The following DLG2 variants were observed in gnomAD, a reference collection of about 807,000 sequenced individuals.
The protein encoded by DLG2 is discs large MAGUK scaffold protein 2.
A neutral mutation model predicts 132.5 loss-of-function variants in DLG2; 45 were observed. The observed-to-expected ratio is 0.34, with a 90% CI of 0.27 to 0.44. The LOEUF (loss-of-function observed/expected upper bound fraction) is 0.44. Ranked by LOEUF, DLG2 falls within the 20% of genes least tolerant of loss-of-function variation. The probability of loss-of-function intolerance (pLI) is 1.00; values close to 1 mark genes in which losing one functional copy is unlikely to be tolerated. For missense variants in DLG2, 1,045 were observed against 1,196.9 expected (o/e 0.87, Z 1.87); for synonymous variants, 424 against 419.6 (o/e 1.01, Z -0.13).
chr11:83,971,490 T>C (rs1376640009), intron 12 of DLG2, among the ~76,000 whole-genome samples: 2 of 151,996 alleles, frequency 1.3e-5, no homozygotes, highest in African/African-American at 2.4e-5. Context: ...AATGTAATAA[T>C]ACAAAGGTGG....
intron 13 of DLG2, among the ~76,000 whole-genome samples, chr11:83,965,093 A>T (rs1353721065): frequency 6.6e-6 from 1 of 152,046 alleles, no homozygotes; most frequent in African/African-American, 2.4e-5. Context: ...TGTCCTCAAC[A>T]TTAAGCCTTT....
At chr11:83,941,042 T>G (rs1328686914) in intron 14 of DLG2, among the ~76,000 whole-genome samples, 2 of 152,254 alleles carry the variant, frequency 1.3e-5, no homozygotes, top group African/African-American at 4.8e-5. Context: ...CAAAACCATG[T>G]TTCTGGCCAT....
chr11:84,725,445 C>A (rs1243865915), intron 6 of DLG2, among the ~76,000 whole-genome samples: 6 of 152,036 alleles, frequency 3.9e-5, no homozygotes, highest in Non-Finnish European at 7.4e-5. Flanking sequence ...TTCATTTAAT[C>A]TTTAGTAGAG....
chr11:85,179,738 C>T (rs1295271902), intron 4 of DLG2, among the ~76,000 whole-genome samples: 2 of 151,646 alleles, frequency 1.3e-5, no homozygotes, highest in African/African-American at 4.8e-5. Context: ...GACATTAGGA[C>T]CCACAATAAT....
At chr11:84,152,926 A>T (rs761635739) in intron 9 of DLG2, among the ~76,000 whole-genome samples, 4 of 152,188 alleles carry the variant, frequency 2.6e-5, no homozygotes, top group Non-Finnish European at 5.9e-5. Flanking sequence ...TTGATTATAT[A>T]GTTGCCCTAT....
At chr11:85,612,425 C>T (rs2081071591) in intron 2 of DLG2, among the ~76,000 whole-genome samples, 1 of 152,218 alleles carries the variant, frequency 6.6e-6, no homozygotes, top group Non-Finnish European at 1.5e-5. Context: ...AGTGAGGAAA[C>T]TCTTGTAGAA....
At chr11:84,466,379 A>G (rs2099094400) in intron 7 of DLG2, among the ~76,000 whole-genome samples, 1 of 151,340 alleles carries the variant, frequency 6.6e-6, no homozygotes, top group Non-Finnish European at 1.5e-5. Flanking sequence ...ATGTATTTGC[A>G]GCTTATATCA....
intron 7 of DLG2, among the ~76,000 whole-genome samples, chr11:84,472,356 T>C (rs2099110665): frequency 6.6e-6 from 1 of 152,066 alleles, no homozygotes; most frequent in South Asian, 2.1e-4. Context: ...ATAAAACTGG[T>C]TTTAAAAATC....
intron 10 of DLG2, among the ~76,000 whole-genome samples, chr11:84,085,590 T>C (rs1490892263): frequency 2.0e-5 from 3 of 152,238 alleles, no homozygotes; most frequent in Admixed American, 2.0e-4. Context: ...CCCAAGATCC[T>C]GTATAGGACT....
chr11:84,952,445 A>T (rs1413604091), intron 6 of DLG2, among the ~76,000 whole-genome samples: 1 of 152,184 alleles, frequency 6.6e-6, no homozygotes, highest in Non-Finnish European at 1.5e-5. Flanking sequence ...TGAACCCGGA[A>T]GGCGGAGCTT....
chr11:84,584,399 GTTCT>G (rs757012798), intron 6 of DLG2, among the ~76,000 whole-genome samples: 1 of 151,840 alleles, frequency 6.6e-6, no homozygotes, highest in Non-Finnish European at 1.5e-5. Context: ...ACCTGCAAGA[GTTCT>G]TCATATATTC....
chr11:85,330,772 T>C lies in DLG2; in HGVS notation c.41-45407A>G, dbSNP rs988045261. ...TGCACATGTACCCTAAAACTTAGAG[T>C]ATAATAAAAAAAAAAAAATTAAAAA... On this transcript the variant is annotated intron_variant, in intron 3 of 27. Transcript: ENST00000376104. 6.9e-4 allele frequency among the ~76,000 whole-genome samples: 53 copies of C among 76,738 alleles called. No individual in the cohort carries two copies. In the Admixed American group the frequency reaches 8.7e-3, roughly 13 times the overall value. 50.3% of individuals were successfully genotyped at this position (76,738 alleles called of 152,430 possible).
chr11:85,481,507 T>C (rs867410453), intron 3 of DLG2, among the ~76,000 whole-genome samples: 1 of 152,124 alleles, frequency 6.6e-6, no homozygotes, highest in Non-Finnish European at 1.5e-5. Context: ...CAGGGAGAGA[T>C]ACCTTCCACT....
At chr11:84,705,469 A>G (rs2059690627) in intron 6 of DLG2, among the ~76,000 whole-genome samples, 1 of 151,790 alleles carries the variant, frequency 6.6e-6, no homozygotes, top group African/African-American at 2.4e-5. Flanking sequence ...TGTCAGAGAG[A>G]CAAAAGCTGC....
In DLG2 at chr11:83,850,151, TG is replaced by T. The variant is rs1565335030; in HGVS notation, c.1566-16382del. On this transcript the variant is annotated intron_variant, in intron 16 of 27. Transcript: ENST00000376104. ...GTGTGTGTGTGTGTGTGTGTGTGTG[TG>T]TGTGTGTGTTTTTTTACTTGAGACG... 4.9e-3 allele frequency among the ~76,000 whole-genome samples: 654 copies of T among 134,292 alleles called. 10 individuals are homozygous for T. The highest frequency in any genetic ancestry group is 0.019 in the African/African-American group (570 of 30,484). The allele number at this position is 134,292 out of a possible 152,430, so 88.1% of individuals were successfully genotyped here.
At chr11:84,169,748 C>G (rs2095772209) in intron 8 of DLG2, among the ~76,000 whole-genome samples, 1 of 152,102 alleles carries the variant, frequency 6.6e-6, no homozygotes, top group Non-Finnish European at 1.5e-5. Context: ...TGGCTCACGC[C>G]TGTAGTCCCA....
chr11:83,856,455 TA>T (rs34055888), intron 16 of DLG2, among the ~76,000 whole-genome samples: 1 of 152,210 alleles, frequency 6.6e-6, no homozygotes, highest in Non-Finnish European at 1.5e-5. Flanking sequence ...ACCAACAGTG[TA>T]AAAGCAGTCC....
chr11:84,828,223 G>T (rs551424217), intron 6 of DLG2, among the ~76,000 whole-genome samples: 40 of 151,744 alleles, frequency 2.6e-4, no homozygotes, highest in Non-Finnish European at 4.7e-4. Context: ...GGTGGGATAG[G>T]CTGGCTTTCA....
intron 8 of DLG2, among the ~76,000 whole-genome samples, chr11:84,174,287 CATCAATCT>C: frequency 6.6e-6 from 1 of 152,056 alleles, no homozygotes; most frequent in East Asian, 1.9e-4. Context: ...TGATTTTCAA[CATCAATCT>C]ATTCTTCATA....
Sources: gnomAD v4.1 joint callset for allele counts (sites outside exome capture counted in the v4.1 genomes callset) on GRCh38, gnomAD v4.1.1 for gene constraint, MANE v1.5 for transcripts, NCBI Gene and HGNC (gene_info 2026-07-23, HGNC 2026-07-21) for gene names.